Variants in KDM4C observed in about 807,000 individuals in gnomAD.
KDM4C encodes the protein lysine demethylase 4C.
In KDM4C, 81 loss-of-function variants were observed where a neutral mutation model predicts 129.3. The observed-to-expected ratio is 0.63, with a 90% CI of 0.52 to 0.75. KDM4C has a LOEUF of 0.75. Among genes scored for constraint, KDM4C ranks in the 30% least tolerant of loss-of-function variants. The pLI, the probability that KDM4C is intolerant of heterozygous loss-of-function variation, is 0.00. For synonymous variants in KDM4C, 573 were observed against 456.1 expected, an observed-to-expected ratio of 1.26 and a Z score of -3.26; for missense variants, 1,457 against 1,304.0, an observed-to-expected ratio of 1.12 and a Z score of -1.81.
intron 19 of KDM4C, among the ~76,000 whole-genome samples, chr9:7,130,726 C>G (rs1304060215): frequency 6.6e-6 from 1 of 152,252 alleles, no homozygotes; most frequent in Middle Eastern, 3.4e-3. Flanking sequence ...AAGGACGCAT[C>G]TATCTAAATG....
chr9:7,054,629 C>T (rs758072596), intron 17 of KDM4C, among the ~76,000 whole-genome samples: 18 of 152,260 alleles, frequency 1.2e-4, no homozygotes, highest in Middle Eastern at 3.4e-3. Flanking sequence ...AAGAGAAGGA[C>T]ATTTTAAAAA....
chr9:6,957,859 T>C (rs1206812595), intron 8 of KDM4C, among the ~76,000 whole-genome samples: 1 of 152,192 alleles, frequency 6.6e-6, no homozygotes, highest in African/African-American at 2.4e-5. Flanking sequence ...CTGAACCTCA[T>C]GTTCATGGAC....
intron 17 of KDM4C, among the ~76,000 whole-genome samples, chr9:7,077,558 C>T (rs1042093431): frequency 6.6e-6 from 1 of 152,104 alleles, no homozygotes; most frequent in Non-Finnish European, 1.5e-5. Flanking sequence ...AAGAAGAGTT[C>T]AATAATTTGA....
At chr9:7,116,831 G>A (rs1162712645) in intron 18 of KDM4C, among the ~76,000 whole-genome samples, 1 of 152,138 alleles carries the variant, frequency 6.6e-6, no homozygotes, top group Non-Finnish European at 1.5e-5. Flanking sequence ...CTCTCCTCAT[G>A]TAAGCAGTGT....
chr9:7,028,648 G>A (rs533784649), intron 15 of KDM4C, among the ~76,000 whole-genome samples: 6 of 152,150 alleles, frequency 3.9e-5, no homozygotes, highest in East Asian at 1.9e-4. Context: ...ACCATGACTC[G>A]CCTAGGAGTT....
At chr9:6,846,748 A>G (rs115196455) in intron 4 of KDM4C, among the ~76,000 whole-genome samples, 99 of 152,302 alleles carry the variant, frequency 6.5e-4, no homozygotes, top group African/African-American at 2.3e-3. Context: ...CACTTCTCAC[A>G]TGCTTGACTT....
At chr9:7,091,526 C>G (rs542191101) in intron 17 of KDM4C, among the ~76,000 whole-genome samples, 2 of 152,212 alleles carry the variant, frequency 1.3e-5, no homozygotes, top group African/African-American at 4.8e-5. Flanking sequence ...TGTCTAGTTT[C>G]TTATCTTTTG....
intron 3 of KDM4C, 94 bp downstream of exon 3, chr9:6,805,868 G>A: frequency 8.6e-7 from 1 of 1,157,334 alleles, no homozygotes; most frequent in Non-Finnish European, 1.2e-6. Context: ...TAAATGAAAA[G>A]CAGGAGTCTC....
At chr9:7,098,105 T>G (rs1027550916) in intron 17 of KDM4C, among the ~76,000 whole-genome samples, 1 of 152,270 alleles carries the variant, frequency 6.6e-6, no homozygotes. Flanking sequence ...TTTGTCTGTT[T>G]GTGTCTGAAA....
intron 17 of KDM4C, among the ~76,000 whole-genome samples, chr9:7,057,344 A>G (rs1193204541): frequency 6.6e-6 from 1 of 152,256 alleles, no homozygotes; most frequent in Non-Finnish European, 1.5e-5. Context: ...GGCTGGATTT[A>G]TTGATCTCAA....
intron 18 of KDM4C, among the ~76,000 whole-genome samples, chr9:7,122,019 C>T (rs751002489): frequency 9.2e-5 from 14 of 152,054 alleles, no homozygotes; most frequent in Middle Eastern, 3.4e-3. Context: ...TGGTCTGGAG[C>T]ACCTATGTTG....
intron 17 of KDM4C, among the ~76,000 whole-genome samples, chr9:7,083,930 T>C (rs1834828911): frequency 6.6e-6 from 1 of 152,086 alleles, no homozygotes; most frequent in African/African-American, 2.4e-5. Context: ...AAAAACATTA[T>C]ATAGAGAGAG....
chr9:6,851,326 G>C (rs1838807285), intron 5 of KDM4C, among the ~76,000 whole-genome samples: 1 of 152,112 alleles, frequency 6.6e-6, no homozygotes, highest in Admixed American at 6.6e-5. Context: ...TTAAGGACAG[G>C]GATCTCTGTT....
chr9:7,031,369 C>T (rs1012432836), intron 15 of KDM4C, among the ~76,000 whole-genome samples: 2 of 152,064 alleles, frequency 1.3e-5, no homozygotes, highest in Non-Finnish European at 2.9e-5. Context: ...CCGTGTTGGC[C>T]AGGCTGGTGT....
chr9:7,122,947 T>C (rs1301354454), intron 18 of KDM4C, among the ~76,000 whole-genome samples: 4 of 152,198 alleles, frequency 2.6e-5, no homozygotes, highest in Non-Finnish European at 5.9e-5. Flanking sequence ...TTAACATCAA[T>C]AGATTCTTAG....
intron 7 of KDM4C, among the ~76,000 whole-genome samples, chr9:6,891,772 G>A (rs10739112): frequency 0.99 from 151,290 of 152,228 alleles, 75,183 homozygotes; most frequent in East Asian, 1. Context: ...AGCTATTACT[G>A]TTTCAGTCTC....
chr9:7,120,125 C>T (rs1215697018), intron 18 of KDM4C, among the ~76,000 whole-genome samples: 2 of 151,990 alleles, frequency 1.3e-5, no homozygotes, highest in East Asian at 3.9e-4. Context: ...TCAGAGTTCA[C>T]TGCTGTAGAA....
intron 4 of KDM4C, among the ~76,000 whole-genome samples, chr9:6,821,080 A>G (rs1357839858): frequency 1.3e-5 from 2 of 152,124 alleles, no homozygotes; most frequent in African/African-American, 4.8e-5. Context: ...ATAGTATTCC[A>G]TGGTGTATAT....
chr9:6,727,963 A>G (rs1817193020), intron 1 of KDM4C, among the ~76,000 whole-genome samples: 1 of 151,436 alleles, frequency 6.6e-6, no homozygotes, highest in Non-Finnish European at 1.5e-5. Context: ...GGGAATCTGC[A>G]AGAACCTCCC....
Sources: gnomAD v4.1 joint callset for allele counts (sites outside exome capture counted in the v4.1 genomes callset) on GRCh38, gnomAD v4.1.1 for gene constraint, MANE v1.5 for transcripts, NCBI Gene and HGNC (gene_info 2026-07-23, HGNC 2026-07-21) for gene names.